Variants in DCLK1 observed in about 807,000 individuals in gnomAD.
DCLK1 encodes the protein serine/threonine-protein kinase DCLK1.
A neutral mutation model predicts 86.2 loss-of-function variants in DCLK1; 16 were observed. The observed-to-expected ratio is 0.19, with a 90% confidence interval of 0.13 to 0.28. The LOEUF (loss-of-function observed/expected upper bound fraction) is 0.28. Ranked by LOEUF, DCLK1 falls within the 10% of genes least tolerant of loss-of-function variation. The pLI is 1.00. For missense variants in DCLK1, 590 were observed against 940.2 expected (o/e 0.63, Z 4.87); for synonymous variants, 369 against 370.5 (o/e 1.00, Z 0.05).
chr13:35,958,724 C>T (rs1334368269), intron 3 of DCLK1, among the ~76,000 whole-genome samples: 1 of 152,210 alleles, frequency 6.6e-6, no homozygotes, highest in African/African-American at 2.4e-5. Flanking sequence ...CAGTGATATT[C>T]AGTACAAATG....
At chr13:35,918,892 G>GTGTTTTTTTTTTTTTTTTT (rs780502143) in intron 4 of DCLK1, among the ~76,000 whole-genome samples, 1 of 76,310 alleles carries the variant, frequency 1.3e-5, no homozygotes, top group African/African-American at 4.4e-5. Flanking sequence ...TTCTGAGTGT[G>GTGTTTTTTTTTTTTTTTTT]TTTTTTTTTT....
intron 11 of DCLK1, among the ~76,000 whole-genome samples, chr13:35,814,925 C>T (rs930933560): frequency 2.6e-5 from 4 of 152,268 alleles, no homozygotes; most frequent in East Asian, 1.9e-4. Context: ...TGGCTACAGT[C>T]GGAGAAGTTG....
At chr13:35,840,709 G>A in intron 6 of DCLK1, among the ~76,000 whole-genome samples, 1 of 152,158 alleles carries the variant, frequency 6.6e-6, no homozygotes, top group Non-Finnish European at 1.5e-5. Flanking sequence ...TACAAAAACG[G>A]ATTGAGATTG....
intron 3 of DCLK1, among the ~76,000 whole-genome samples, chr13:36,012,437 T>C (rs1371398395): frequency 1.3e-5 from 2 of 151,084 alleles, no homozygotes; most frequent in Non-Finnish European, 3.0e-5. Context: ...TGACAAAATC[T>C]CTCAGCATTT....
chr13:35,944,944 C>T (rs1167589354), intron 4 of DCLK1, among the ~76,000 whole-genome samples: 3 of 152,088 alleles, frequency 2.0e-5, no homozygotes, highest in Non-Finnish European at 4.4e-5. Flanking sequence ...TCTTGTTACC[C>T]AGGCTGGAGT....
At chr13:35,958,411 TCAC>T (rs1402408295) in intron 3 of DCLK1, among the ~76,000 whole-genome samples, 2 of 140,022 alleles carry the variant, frequency 1.4e-5, no homozygotes, top group African/African-American at 5.1e-5. Flanking sequence ...ACTATAACCA[TCAC>T]CACCACCATC....
chr13:36,113,515 T>C (rs1402682835), intron 2 of DCLK1, among the ~76,000 whole-genome samples: 1 of 152,134 alleles, frequency 6.6e-6, no homozygotes, highest in East Asian at 1.9e-4. Context: ...TTTTTGATAT[T>C]TTCTTAAATC....
chr13:35,842,231 A>C (rs1292049479), intron 6 of DCLK1, among the ~76,000 whole-genome samples: 11 of 146,694 alleles, frequency 7.5e-5, no homozygotes, highest in African/African-American at 2.6e-4. Flanking sequence ...TCCATCTCAA[A>C]AAAAAAAAAA....
At chr13:36,080,510 G>T (rs1421837685) in intron 3 of DCLK1, among the ~76,000 whole-genome samples, 1 of 152,212 alleles carries the variant, frequency 6.6e-6, no homozygotes, top group Non-Finnish European at 1.5e-5. Flanking sequence ...TGATCTGTCA[G>T]TTTCCTTCAG....
intron 4 of DCLK1, among the ~76,000 whole-genome samples, chr13:35,903,921 T>C (rs997605473): frequency 2.0e-5 from 3 of 152,214 alleles, no homozygotes; most frequent in Non-Finnish European, 2.9e-5. Flanking sequence ...GTGAATTATA[T>C]ACATGAAAGA....
At chr13:35,816,897 T>C (rs1448398393) in intron 11 of DCLK1, among the ~76,000 whole-genome samples, 2 of 152,224 alleles carry the variant, frequency 1.3e-5, no homozygotes, top group African/African-American at 4.8e-5. Context: ...AGGTTACATT[T>C]CTAGAAGTAG....
At chr13:36,093,584 A>G (rs1884909146) in intron 3 of DCLK1, among the ~76,000 whole-genome samples, 1 of 152,192 alleles carries the variant, frequency 6.6e-6, no homozygotes, top group Admixed American at 6.5e-5. Flanking sequence ...GAGACCCCTG[A>G]GGACCTCGAT....
chr13:36,070,682 C>A (rs991055632), intron 3 of DCLK1, among the ~76,000 whole-genome samples: 1 of 151,468 alleles, frequency 6.6e-6, no homozygotes, highest in Non-Finnish European at 1.5e-5. Flanking sequence ...CTCTTTGTTG[C>A]CCAGGCTGGA....
At chr13:35,919,472 ACAGATGC>A (rs1214880777) in intron 4 of DCLK1, among the ~76,000 whole-genome samples, 1 of 152,176 alleles carries the variant, frequency 6.6e-6, no homozygotes, top group Non-Finnish European at 1.5e-5. Flanking sequence ...AAATGTTTAC[ACAGATGC>A]CAGTGGGGCT....
intron 5 of DCLK1, among the ~76,000 whole-genome samples, chr13:35,858,989 A>C (rs1010302880): frequency 2.0e-5 from 3 of 152,144 alleles, no homozygotes; most frequent in Non-Finnish European, 4.4e-5. Context: ...GGGATAAATA[A>C]TTTTCTTTCA....
At chr13:36,100,537 C>A (rs1885180511) in intron 3 of DCLK1, among the ~76,000 whole-genome samples, 1 of 152,148 alleles carries the variant, frequency 6.6e-6, no homozygotes, top group African/African-American at 2.4e-5. Context: ...AGAAACGAAC[C>A]TTTTACTGGT....
intron 3 of DCLK1, among the ~76,000 whole-genome samples, chr13:36,036,640 A>G (rs572074382): frequency 6.6e-6 from 1 of 152,070 alleles, no homozygotes; most frequent in South Asian, 2.1e-4. Flanking sequence ...TATACGGTAT[A>G]TATGATATAT....
chr13:35,823,003 T>G, intron 10 of DCLK1, 128 bp from the exon 11 acceptor site: 1 of 1,112,214 alleles, frequency 9.0e-7, no homozygotes, highest in Non-Finnish European at 1.3e-6. Flanking sequence ...CTAAAGGCTT[T>G]TCCTGCTACT....
At chr13:36,063,947 C>A (rs7996206) in intron 3 of DCLK1, among the ~76,000 whole-genome samples, 56,525 of 151,956 alleles carry the variant, frequency 0.37, 10,762 homozygotes, top group South Asian at 0.59. Context: ...AAACAGATTA[C>A]TACATTTTTA....
Sources: gnomAD v4.1 joint callset for allele counts (sites outside exome capture counted in the v4.1 genomes callset) on GRCh38, gnomAD v4.1.1 for gene constraint, MANE v1.5 for transcripts, NCBI Gene and HGNC (gene_info 2026-07-23, HGNC 2026-07-21) for gene names.